RASSF6: variants seen among roughly 807,000 people sequenced by gnomAD.
RASSF6 encodes Ras association domain family member 6.
A neutral mutation model predicts 44.0 loss-of-function variants in RASSF6; 52 were observed. The observed-to-expected ratio is 1.18, with a 90% confidence interval of 0.95 to 1.49. The LOEUF is 1.49. Among genes scored for constraint, RASSF6 ranks in the 40% most tolerant of loss-of-function variants. The probability of loss-of-function intolerance (pLI) is 0.00; values close to 1 mark genes in which losing one functional copy is unlikely to be tolerated. For missense variants in RASSF6, 464 were observed against 393.3 expected (o/e 1.18, Z -1.52); for synonymous variants, 162 against 124.6 (o/e 1.30, Z -2.00).
chr4:73,617,552 C>T (rs1560465301), intron 1 of RASSF6, among the ~76,000 whole-genome samples: 1 of 152,142 alleles, frequency 6.6e-6, no homozygotes, highest in Non-Finnish European at 1.5e-5. Flanking sequence ...ACTCATTTTT[C>T]CTGTTTGTAT....
intron 1 of RASSF6, among the ~76,000 whole-genome samples, chr4:73,614,945 C>T (rs1184939775): frequency 6.6e-6 from 1 of 151,966 alleles, no homozygotes; most frequent in Non-Finnish European, 1.5e-5. Flanking sequence ...ATAAAATATT[C>T]AAACAGTTTA....
chr4:73,590,208 G>C (rs1165673734), intron 4 of RASSF6, among the ~76,000 whole-genome samples: 2 of 152,276 alleles, frequency 1.3e-5, no homozygotes, highest in Non-Finnish European at 2.9e-5. Flanking sequence ...TTTTTTAAAA[G>C]CTTCTTCACT....
intron 2 of RASSF6, 79 bp from the exon 3 acceptor site, chr4:73,598,797 T>A (rs1219404878): frequency 1.6e-6 from 1 of 607,798 alleles, no homozygotes; most frequent in Admixed American, 3.9e-5. Flanking sequence ...TTCATAAAGG[T>A]ATGAGATAGA....
At chr4:73,578,550 C>T (rs1723394574) in intron 8 of RASSF6, among the ~76,000 whole-genome samples, 2 of 152,256 alleles carry the variant, frequency 1.3e-5, no homozygotes, top group East Asian at 1.9e-4. Flanking sequence ...CTTTGAGTGT[C>T]CCCCTCACAC....
chr4:73,618,633 G>T (rs1244451522), intron 1 of RASSF6, among the ~76,000 whole-genome samples: 1 of 152,056 alleles, frequency 6.6e-6, no homozygotes, highest in Non-Finnish European at 1.5e-5. Flanking sequence ...TCAGACCCCA[G>T]AGGGAAATAA....
chr4:73,580,059 T>G lies in RASSF6; in HGVS notation c.721+1758A>C, dbSNP rs866656780. Among the ~76,000 whole-genome samples the G allele has an allele frequency of 3.8e-3, 510 of 135,938 alleles. 3 individuals carry two copies. The highest frequency in any genetic ancestry group is 0.013 in the African/African-American group (493 of 36,712). The allele number at this position is 135,938 out of a possible 152,430, so 89.2% of individuals were successfully genotyped here. On this transcript the variant is annotated intron_variant, in intron 8 of 10. Transcript: ENST00000307439. Reference sequence around the variant, plus strand: ...CACAACAGTCCCCAGAGTGTGATGTTCCCCTTCCTGTGTCCATGTGTTCTC... The same window carrying G: ...CACAACAGTCCCCAGAGTGTGATGTGCCCCTTCCTGTGTCCATGTGTTCTC...
chr4:73,620,446 G>A, upstream of RASSF6: 1 of 1,547,440 alleles, frequency 6.5e-7, no homozygotes, highest in South Asian at 1.2e-5. Flanking sequence ...CACCTGTAGG[G>A]GAGGTCCGAG....
At chr4:73,611,625 A>G in intron 2 of RASSF6, 106 bp downstream of exon 2, 2 of 635,134 alleles carry the variant, frequency 3.1e-6, no homozygotes, top group Non-Finnish European at 5.6e-6. Flanking sequence ...CTGATGATTC[A>G]TATTATTGAT....
At chr4:73,583,870 C>G (rs573793694) in intron 6 of RASSF6, among the ~76,000 whole-genome samples, 22 of 152,228 alleles carry the variant, frequency 1.4e-4, no homozygotes, top group Admixed American at 1.2e-3. Flanking sequence ...GAATGTAAAA[C>G]CAGGCTGTCA....
intron 1 of RASSF6, among the ~76,000 whole-genome samples, chr4:73,612,983 C>T (rs1397392208): frequency 2.0e-5 from 3 of 152,184 alleles, no homozygotes; most frequent in African/African-American, 7.2e-5. Flanking sequence ...TTTCCCCTGG[C>T]AGCAGAGGGC....
intron 3 of RASSF6, among the ~76,000 whole-genome samples, chr4:73,597,185 A>T (rs1323876169): frequency 1.3e-5 from 2 of 152,226 alleles, no homozygotes; most frequent in Non-Finnish European, 2.9e-5. Flanking sequence ...GTAAACAGAC[A>T]ATCTACAGAA....
chr4:73,584,656 C>A (rs916052036), intron 6 of RASSF6, among the ~76,000 whole-genome samples: 6 of 152,096 alleles, frequency 3.9e-5, no homozygotes, highest in Non-Finnish European at 7.4e-5. Context: ...TTCAAATGTC[C>A]TTTGATCCAA....
intron 3 of RASSF6, 109 bp downstream of exon 3, chr4:73,598,531 C>T (rs905837837): frequency 1.7e-6 from 1 of 591,522 alleles, no homozygotes; most frequent in Non-Finnish European, 2.9e-6. Context: ...CTAAAAGAAT[C>T]ATAATCAAGT....
rs567597905 is a variant in RASSF6 at position 73,588,109 on chromosome 4, C to T, written c.288-175G>A. Among the ~76,000 whole-genome samples, 5 of 151,872 alleles carry T rather than the reference C, an allele frequency of 3.3e-5. No homozygotes were observed. The South Asian group carries it at 6.2e-4, about 19-fold the overall frequency. ...AAAATTATATTCATACCAAAGTGGT[C>T]AATATATGTTTTAAATGCTTCCTGT... is the stretch of plus-strand genomic sequence containing the variant. On this transcript the variant is annotated intron_variant, in intron 4 of 10. Transcript: ENST00000307439.
At chr4:73,607,759 G>T (rs539754195) in intron 2 of RASSF6, among the ~76,000 whole-genome samples, 2 of 151,960 alleles carry the variant, frequency 1.3e-5, no homozygotes, top group South Asian at 2.1e-4. Context: ...TCTGCTAAAG[G>T]CTCAGGTTTG....
chr4:73,580,001 T>C (rs1165154286), intron 8 of RASSF6, among the ~76,000 whole-genome samples: 1 of 150,596 alleles, frequency 6.6e-6, no homozygotes, highest in African/African-American at 2.4e-5. Flanking sequence ...TAGGTGTATC[T>C]CCTAATGCTA....
chr4:73,592,964 T>G (rs1384021434), intron 4 of RASSF6, among the ~76,000 whole-genome samples: 1 of 151,646 alleles, frequency 6.6e-6, no homozygotes, highest in Non-Finnish European at 1.5e-5. Flanking sequence ...TTGCACAAAT[T>G]AGTTAATCTT....
rs544102379 is a variant in RASSF6, at chr4:73,594,037, A to T, written c.145-444T>A. On this transcript the variant is annotated intron_variant, in intron 3 of 10. Transcript: ENST00000307439. ...AGAAAAAAATTTAACTCACAAAGTTATGCAAAACAAGTAAAATAACACGTG... is the reference window on the plus strand; with the variant it reads ...AGAAAAAAATTTAACTCACAAAGTTTTGCAAAACAAGTAAAATAACACGTG... 3.6e-3 allele frequency among the ~76,000 whole-genome samples: 545 copies of T among 152,384 alleles called. 4 individuals carry two copies. The highest frequency in any genetic ancestry group is 0.011 in the African/African-American group (452 of 41,602).
At chr4:73,600,345 T>C (rs897638777) in intron 2 of RASSF6, among the ~76,000 whole-genome samples, 1 of 147,328 alleles carries the variant, frequency 6.8e-6, no homozygotes, top group Non-Finnish European at 1.5e-5. Context: ...TAAACAACAA[T>C]AAACAAAGGA....
Sources: gnomAD v4.1 joint callset for allele counts (sites outside exome capture counted in the v4.1 genomes callset) on GRCh38, gnomAD v4.1.1 for gene constraint, MANE v1.5 for transcripts, NCBI Gene and HGNC (gene_info 2026-07-23, HGNC 2026-07-21) for gene names.